MIPOL1: variants seen among roughly 807,000 people sequenced by gnomAD.
MIPOL1 encodes mirror-image polydactyly gene 1 protein.
In MIPOL1, 57 loss-of-function variants were observed where a neutral mutation model predicts 60.9. The ratio of observed to expected loss-of-function variants is 0.94; its 90% CI spans 0.76 to 1.17. The LOEUF (loss-of-function observed/expected upper bound fraction) is 1.17. Among genes scored for constraint, MIPOL1 ranks in the 50% most tolerant of loss-of-function variants. The pLI, the probability that MIPOL1 is intolerant of heterozygous loss-of-function variation, is 0.00. For synonymous variants in MIPOL1, 179 were observed against 168.8 expected, an observed-to-expected ratio of 1.06 and a Z score of -0.47; for missense variants, 551 against 511.6, an observed-to-expected ratio of 1.08 and a Z score of -0.74.
intron 9 of MIPOL1, among the ~76,000 whole-genome samples, chr14:37,341,725 C>T (rs1185810914): frequency 2.0e-5 from 3 of 152,142 alleles, no homozygotes; most frequent in African/African-American, 4.8e-5. Context: ...GGACTATAGG[C>T]GTGAGCCAAC....
chr14:37,454,012 T>C (rs2094450417), intron 11 of MIPOL1, among the ~76,000 whole-genome samples: 2 of 152,240 alleles, frequency 1.3e-5, no homozygotes, highest in East Asian at 1.9e-4. Context: ...AGAGGGATAC[T>C]ATCAAGCTGT....
At chr14:37,291,972 C>A (rs1433746161) in intron 7 of MIPOL1, among the ~76,000 whole-genome samples, 3 of 128,268 alleles carry the variant, frequency 2.3e-5, no homozygotes, top group Non-Finnish European at 4.6e-5. Flanking sequence ...GTCACCCAGG[C>A]TGGAGTGCAA....
At chr14:37,213,437 A>G (rs751326139) in intron 1 of MIPOL1, among the ~76,000 whole-genome samples, 5 of 152,246 alleles carry the variant, frequency 3.3e-5, no homozygotes, top group Non-Finnish European at 7.3e-5. Context: ...TGAAGAATGC[A>G]TCTAAGTCGT....
chr14:37,451,068 ATTAT>A (rs2094410096), intron 11 of MIPOL1, among the ~76,000 whole-genome samples: 2 of 152,192 alleles, frequency 1.3e-5, no homozygotes, highest in South Asian at 4.1e-4. Context: ...TAATAGGAAT[ATTAT>A]TTGTTTCCTC....
chr14:37,299,483 T>C (rs1251485573), intron 7 of MIPOL1, among the ~76,000 whole-genome samples: 1 of 152,056 alleles, frequency 6.6e-6, no homozygotes, highest in Non-Finnish European at 1.5e-5. Context: ...TACAACATCC[T>C]ACTTTCTTTA....
chr14:37,462,746 A>G (rs2094554491), intron 11 of MIPOL1, among the ~76,000 whole-genome samples: 1 of 152,166 alleles, frequency 6.6e-6, no homozygotes, highest in African/African-American at 2.4e-5. Context: ...CTTTATTAAA[A>G]CATAACAGGA....
At chr14:37,433,156 G>T (rs1180565104) in intron 11 of MIPOL1, among the ~76,000 whole-genome samples, 1 of 152,078 alleles carries the variant, frequency 6.6e-6, no homozygotes, top group Non-Finnish European at 1.5e-5. Context: ...AAACTCCCAT[G>T]CTGAAATGAT....
chr14:37,358,747 A>C (rs1439399194), intron 9 of MIPOL1, among the ~76,000 whole-genome samples: 1 of 152,080 alleles, frequency 6.6e-6, no homozygotes, highest in African/African-American at 2.4e-5. Context: ...TTTGTCACAT[A>C]GGTAGATTAC....
At chr14:37,356,748 G>T (rs2091871535) in intron 9 of MIPOL1, among the ~76,000 whole-genome samples, 1 of 152,164 alleles carries the variant, frequency 6.6e-6, no homozygotes, top group Non-Finnish European at 1.5e-5. Flanking sequence ...GTGAGGCAAT[G>T]CCTCGCCCTG....
chr14:37,545,008 T>A (rs1159473663), intron 12 of MIPOL1, among the ~76,000 whole-genome samples: 2 of 152,168 alleles, frequency 1.3e-5, no homozygotes, highest in Non-Finnish European at 2.9e-5. Flanking sequence ...GATTCTGAAT[T>A]TGTAGTAACA....
intron 11 of MIPOL1, among the ~76,000 whole-genome samples, chr14:37,498,368 G>A (rs943938579): frequency 6.6e-6 from 1 of 152,080 alleles, no homozygotes; most frequent in African/African-American, 2.4e-5. Context: ...ACATAAACAA[G>A]TACCTTTTTT....
intron 11 of MIPOL1, among the ~76,000 whole-genome samples, chr14:37,451,161 A>AT (rs1378850888): frequency 5.9e-5 from 9 of 152,292 alleles, no homozygotes; most frequent in African/African-American, 2.2e-4. Flanking sequence ...CTATGGAGTT[A>AT]TTGACACCTC....
chr14:37,402,184 G>A (rs2093496341), intron 10 of MIPOL1, among the ~76,000 whole-genome samples: 1 of 152,060 alleles, frequency 6.6e-6, no homozygotes, highest in African/African-American at 2.4e-5. Flanking sequence ...TTATTAAAAT[G>A]TACTTTCAGA....
intron 3 of MIPOL1, among the ~76,000 whole-genome samples, chr14:37,262,811 A>G (rs2082606447): frequency 6.6e-6 from 1 of 152,100 alleles, no homozygotes; most frequent in African/African-American, 2.4e-5. Context: ...CCTAGAGACA[A>G]TTCTAGCTCA....
At chr14:37,475,806 A>G (rs2094763946) in intron 11 of MIPOL1, among the ~76,000 whole-genome samples, 1 of 152,184 alleles carries the variant, frequency 6.6e-6, no homozygotes, top group African/African-American at 2.4e-5. Flanking sequence ...TTGCAACACA[A>G]TGCTGTCTTG....
chr14:37,205,640 C>T (rs2139183956), intron 1 of MIPOL1, among the ~76,000 whole-genome samples: 1 of 152,156 alleles, frequency 6.6e-6, no homozygotes, highest in South Asian at 2.1e-4. Context: ...CCCAACAGGC[C>T]CTGGTGTGTG....
chr14:37,390,353 T>C (rs2093203536), intron 10 of MIPOL1, among the ~76,000 whole-genome samples: 1 of 152,078 alleles, frequency 6.6e-6, no homozygotes, highest in South Asian at 2.1e-4. Flanking sequence ...CTAAATAATA[T>C]CTGGAATGTC....
At chr14:37,318,039 G>A (rs1333169548) in intron 9 of MIPOL1, among the ~76,000 whole-genome samples, 3 of 152,186 alleles carry the variant, frequency 2.0e-5, no homozygotes, top group Non-Finnish European at 4.4e-5. Flanking sequence ...TTCCTAGCCT[G>A]GTTATGAATT....
At chr14:37,210,746 C>T (rs1850600873) in intron 1 of MIPOL1, among the ~76,000 whole-genome samples, 1 of 152,064 alleles carries the variant, frequency 6.6e-6, no homozygotes, top group Non-Finnish European at 1.5e-5. Context: ...GACCTCTGGC[C>T]ACATGATTGC....
Sources: allele counts gnomAD v4.1 joint callset (sites outside exome capture counted in the v4.1 genomes callset), GRCh38; gene constraint gnomAD v4.1.1; transcripts MANE v1.5; gene names NCBI Gene and HGNC (gene_info 2026-07-23, HGNC 2026-07-21).